Variants in KIFC3 observed in about 807,000 individuals in gnomAD.
KIFC3 encodes the protein kinesin family member C3.
KIFC3 carries 60 observed loss-of-function variants against 101.8 expected under a neutral mutation model. The ratio of observed to expected loss-of-function variants is 0.59; its 90% CI spans 0.48 to 0.73. The LOEUF is 0.73. Ranked by LOEUF, KIFC3 falls within the 30% of genes least tolerant of loss-of-function variation. The pLI is 0.00. For synonymous variants in KIFC3, 476 were observed against 482.7 expected (o/e 0.99, Z 0.18); for missense variants, 966 against 1,137.1 (o/e 0.85, Z 2.16).
intron 1 of KIFC3, among the ~76,000 whole-genome samples, chr16:57,858,340 C>A (rs1425944957): frequency 6.6e-6 from 1 of 152,192 alleles, no homozygotes; most frequent in Admixed American, 6.5e-5. Flanking sequence ...GAAGCCTTCC[C>A]TTCCCCGGAA....
intron 1 of KIFC3, among the ~76,000 whole-genome samples, chr16:57,845,240 C>T (rs2055892926): frequency 6.6e-6 from 1 of 152,308 alleles, no homozygotes; most frequent in Admixed American, 6.5e-5. Context: ...CCTGCCGGCT[C>T]TACCTTCAAA....
rs573098699 is a variant in KIFC3 at position 57,780,218 on chromosome 16, T to C, written c.316-7930A>G. On this transcript the variant is annotated intron_variant, in intron 3 of 19. Coordinates refer to ENST00000445690, the MANE Select transcript of KIFC3 (RefSeq NM_001130100.2). ...TGCTGCTGAACGTTACTCTCAAAAA[T>C]GCTTCAGATCAGCCGGGCGCGGTGG... 9.2e-5 allele frequency among the ~76,000 whole-genome samples: 14 copies of C among 152,286 alleles called. No individual in the cohort carries two copies. In the South Asian group the frequency reaches 2.9e-3, roughly 32 times the overall value.
chr16:57,808,482 C>G (rs1186330785), intron 1 of KIFC3, among the ~76,000 whole-genome samples: 1 of 152,134 alleles, frequency 6.6e-6, no homozygotes, highest in Non-Finnish European at 1.5e-5. Flanking sequence ...CGCATTTTTC[C>G]CCACTTCCTC....
chr16:57,828,157 C>A (rs527871584), intron 1 of KIFC3, among the ~76,000 whole-genome samples: 74 of 152,334 alleles, frequency 4.9e-4, no homozygotes, highest in Non-Finnish European at 9.3e-4. Context: ...AGCCACTCTG[C>A]GCTCCTCCTC....
rs368017522 is a variant in KIFC3, at chr16:57,767,000, A to G, written c.1219-15T>C. The G allele has an allele frequency of 1.9e-6, 3 of 1,584,178 alleles. No individual in the cohort carries two copies. Among genetic ancestry groups the G allele is most frequent in the South Asian group, 2.2e-5 (2 of 90,482 alleles). On this transcript the variant is annotated splice_polypyrimidine_tract_variant and intron_variant, in intron 9 of 19. Coordinates refer to ENST00000445690, the MANE Select transcript of KIFC3 (RefSeq NM_001130100.2). ...GCCTGGCCTATCTGGTGGGGGGTGC[A>G]CACCACTGTCAGGGGGACGGCTCCA...
intron 1 of KIFC3, among the ~76,000 whole-genome samples, chr16:57,842,356 G>A (rs2055832363): frequency 6.6e-6 from 1 of 152,202 alleles, no homozygotes; most frequent in Non-Finnish European, 1.5e-5. Flanking sequence ...ACGGTATGGA[G>A]TGGACATTCA....
In KIFC3 at chr16:57,855,714, G is replaced by A. The variant is rs186284131; in HGVS notation, c.108+7015C>T. 1.6e-3 allele frequency among the ~76,000 whole-genome samples: 249 copies of A among 152,124 alleles called. 1 individual carries two copies. Among genetic ancestry groups the A allele is most frequent in the African/African-American group, 5.7e-3 (238 of 41,518 alleles). On this transcript the variant is annotated intron_variant, in intron 1 of 2. Coordinates refer to the KIFC3 transcript ENST00000563028. The stretch of plus-strand genomic sequence containing the variant: ...TAATCTCAGCCCTGTGGGAGACCAA[G>A]GCAGGTGGATCACTTGAGGTCAGGA...
intron 12 of KIFC3, among the ~76,000 whole-genome samples, 189 bp downstream of exon 12, chr16:57,763,954 T>C (rs2050157503): frequency 6.6e-6 from 1 of 152,158 alleles, no homozygotes; most frequent in Non-Finnish European, 1.5e-5. Flanking sequence ...GTGGGTGCCC[T>C]TGGGCAAGGG....
At chr16:57,832,321 C>A (rs1416236159) in intron 1 of KIFC3, among the ~76,000 whole-genome samples, 1 of 73,494 alleles carries the variant, frequency 1.4e-5, no homozygotes, top group Non-Finnish European at 2.4e-5. Context: ...GCGCCAGGCC[C>A]TTTTTTTTTT....
chr16:57,850,805 C>T (rs1021304693), intron 1 of KIFC3, among the ~76,000 whole-genome samples: 5 of 152,070 alleles, frequency 3.3e-5, no homozygotes, highest in Admixed American at 6.6e-5. Context: ...ATACATTGTA[C>T]GGAGTTCTCC....
chr16:57,835,324 C>G (rs782649612), intron 1 of KIFC3, among the ~76,000 whole-genome samples: 15 of 152,178 alleles, frequency 9.9e-5, no homozygotes, highest in Non-Finnish European at 1.8e-4. Flanking sequence ...GAACATGTGT[C>G]TCTTGTACTC....
chr16:57,765,807 T>G, intron 10 of KIFC3, 167 bp from the exon 11 acceptor site: 1 of 611,548 alleles, frequency 1.6e-6, no homozygotes, highest in East Asian at 2.8e-5. Context: ...TCATTCACAC[T>G]ATAGTATGAA....
At chr16:57,862,614 G>C (rs1248322776) in intron 1 of KIFC3, 5 of 292,518 alleles carry the variant, frequency 1.7e-5, no homozygotes, top group Non-Finnish European at 3.5e-5. Context: ...AAGAATATTA[G>C]CTACAATCCC....
chr16:57,823,801 GTGTT>G (rs1352476893), intron 1 of KIFC3, among the ~76,000 whole-genome samples: 4 of 143,158 alleles, frequency 2.8e-5, no homozygotes, highest in Non-Finnish European at 4.6e-5. Flanking sequence ...GTGTGTGTGT[GTGTT>G]TTTAGTAGAG....
Position 57,830,155 on chromosome 16 carries a change from C to T in KIFC3, c.109-31873G>A, listed in dbSNP as rs190557219. Among the ~76,000 whole-genome samples, 100 of 152,160 alleles carry T rather than the reference C, an allele frequency of 6.6e-4. 1 individual carries two copies. Among genetic ancestry groups the T allele is most frequent in the Admixed American group, 5.3e-3 (81 of 15,268 alleles). On this transcript the variant is annotated intron_variant, in intron 1 of 2. Coordinates refer to the KIFC3 transcript ENST00000563028. The stretch of plus-strand genomic sequence containing the variant: ...GTGACAGGCAGATCTGGGTTTGGGT[C>T]CCCACTCAGCCATTTAATTTGCTGT...
chr16:57,817,160 A>G (rs1555629021), intron 1 of KIFC3, among the ~76,000 whole-genome samples: 1 of 152,138 alleles, frequency 6.6e-6, no homozygotes, highest in Non-Finnish European at 1.5e-5. Flanking sequence ...GGAGTTTGAG[A>G]GCAGCCTGGC....
At chr16:57,831,425 A>T (rs2055578108) in intron 1 of KIFC3, among the ~76,000 whole-genome samples, 1 of 152,244 alleles carries the variant, frequency 6.6e-6, no homozygotes, top group African/African-American at 2.4e-5. Context: ...CATGCCTGTA[A>T]TACCAACATT....
At chr16:57,802,505 CACAG>C (rs1555625924), upstream of KIFC3, 1 of 984,086 alleles carries the variant, frequency 1.0e-6, no homozygotes, top group Non-Finnish European at 1.2e-6. The surrounding 1 kb of genome is among the most constrained non-coding windows in gnomAD (Gnocchi z 5.0). Context: ...GCACACTTTC[CACAG>C]GAAATGATTA....
At chr16:57,854,852 A>G in intron 1 of KIFC3, among the ~76,000 whole-genome samples, 1 of 152,186 alleles carries the variant, frequency 6.6e-6, no homozygotes, top group South Asian at 2.1e-4. Flanking sequence ...ACTAGAAATC[A>G]ATAGAAAAAT....
Sources: gnomAD v4.1 joint callset for allele counts (sites outside exome capture counted in the v4.1 genomes callset) on GRCh38, gnomAD v4.1.1 for gene constraint, Gnocchi (gnomAD v3.1) non-coding constraint, MANE v1.5 for transcripts, NCBI Gene and HGNC (gene_info 2026-07-23, HGNC 2026-07-21) for gene names.